The following RAD51B variants were observed in gnomAD, a reference collection of about 807,000 sequenced individuals.
RAD51B encodes the protein DNA repair protein RAD51 homolog 2.
Under a neutral mutation model 42.2 loss-of-function variants are expected in RAD51B, and 38 were observed. That is an observed-to-expected ratio of 0.90 (90% CI 0.70 to 1.18). The LOEUF is 1.18. Among genes scored for constraint, RAD51B ranks in the 50% most tolerant of loss-of-function variants. RAD51B has a pLI of 0.00. For missense variants in RAD51B, 373 were observed against 400.7 expected (o/e 0.93, Z 0.59); for synonymous variants, 154 against 145.2 (o/e 1.06, Z -0.43).
chr14:68,128,616 C>T (rs988278843), intron 7 of RAD51B, among the ~76,000 whole-genome samples: 3 of 152,062 alleles, frequency 2.0e-5, no homozygotes, highest in Admixed American at 6.6e-5. Flanking sequence ...CACTTGAACC[C>T]GGGAGGCAGA....
At chr14:68,583,713 CT>C (rs1173511079) in intron 10 of RAD51B, among the ~76,000 whole-genome samples, 2 of 152,192 alleles carry the variant, frequency 1.3e-5, no homozygotes, top group African/African-American at 4.8e-5. Context: ...CAAGCCACCC[CT>C]GGTCACCACC....
At chr14:68,511,856 C>T (rs1452010521) in intron 10 of RAD51B, among the ~76,000 whole-genome samples, 3 of 152,184 alleles carry the variant, frequency 2.0e-5, no homozygotes, top group Non-Finnish European at 4.4e-5. Context: ...GGCCACTGTT[C>T]CCCTTTTGGG....
chr14:68,309,091 C>T (rs952258993), intron 8 of RAD51B, among the ~76,000 whole-genome samples: 5 of 152,034 alleles, frequency 3.3e-5, no homozygotes, highest in African/African-American at 4.8e-5. Context: ...TTAAGATGGG[C>T]GTTTCATATT....
chr14:67,902,068 G>T (rs1476951011), intron 7 of RAD51B, among the ~76,000 whole-genome samples: 1 of 152,046 alleles, frequency 6.6e-6, no homozygotes, highest in Non-Finnish European at 1.5e-5. Flanking sequence ...AAAAATGAAA[G>T]AAAATAGGAG....
intron 2 of RAD51B, among the ~76,000 whole-genome samples, chr14:67,825,043 A>C (rs2040769991): frequency 7.8e-6 from 1 of 127,890 alleles, no homozygotes; most frequent in East Asian, 2.4e-4. Context: ...GTGCCACTGC[A>C]CTCCAGCCTG....
At chr14:67,962,252 G>A (rs530268945) in intron 7 of RAD51B, among the ~76,000 whole-genome samples, 17 of 152,248 alleles carry the variant, frequency 1.1e-4, no homozygotes, top group African/African-American at 3.9e-4. Context: ...GTGTCTTTGA[G>A]GAAGTGGACC....
intron 9 of RAD51B, among the ~76,000 whole-genome samples, chr14:68,419,572 A>AAC (rs2084646892): frequency 6.6e-6 from 1 of 152,206 alleles, no homozygotes; most frequent in Non-Finnish European, 1.5e-5. Flanking sequence ...CTCCCCAGTC[A>AAC]AGTGACTTTC....
At chr14:68,016,406 C>T (rs2075778627) in intron 7 of RAD51B, among the ~76,000 whole-genome samples, 2 of 152,160 alleles carry the variant, frequency 1.3e-5, no homozygotes, top group Admixed American at 6.6e-5. Context: ...GGAACACCAT[C>T]ATATAGTAAT....
chr14:68,632,981 T>C (rs1183872994), intron 10 of RAD51B, among the ~76,000 whole-genome samples: 5 of 89,708 alleles, frequency 5.6e-5, no homozygotes, highest in Admixed American at 1.2e-4. Context: ...TTTTTTTTTT[T>C]TTTTTTTTTT....
At chr14:68,583,505 A>G (rs1364039245) in intron 10 of RAD51B, among the ~76,000 whole-genome samples, 2 of 152,220 alleles carry the variant, frequency 1.3e-5, no homozygotes, top group African/African-American at 4.8e-5. Context: ...GCCTTGACAA[A>G]CGCACCTTCC....
At chr14:68,250,067 T>C (rs1474428277) in intron 7 of RAD51B, among the ~76,000 whole-genome samples, 1 of 152,202 alleles carries the variant, frequency 6.6e-6, no homozygotes, top group Admixed American at 6.5e-5. Flanking sequence ...GCTTTGGCGC[T>C]TTAGTGAATA....
chr14:68,371,252 C>T (rs545439072), intron 8 of RAD51B, among the ~76,000 whole-genome samples: 17 of 152,000 alleles, frequency 1.1e-4, no homozygotes, highest in Non-Finnish European at 2.4e-4. Context: ...GGTGTGGTGG[C>T]TTACGCCTGT....
At chr14:68,090,915 T>C (rs1243942210) in intron 7 of RAD51B, among the ~76,000 whole-genome samples, 7 of 137,482 alleles carry the variant, frequency 5.1e-5, no homozygotes. Context: ...TGTGTTCTCA[T>C]TGTTCAATTC....
At chr14:68,154,092 C>T (rs1263735030) in intron 7 of RAD51B, among the ~76,000 whole-genome samples, 1 of 152,204 alleles carries the variant, frequency 6.6e-6, no homozygotes, top group Non-Finnish European at 1.5e-5. Context: ...TTTCTCCTCA[C>T]TGTGAGTTGT....
At chr14:68,602,160 G>A (rs567587422) in intron 10 of RAD51B, among the ~76,000 whole-genome samples, 5 of 151,786 alleles carry the variant, frequency 3.3e-5, no homozygotes, top group Admixed American at 6.6e-5. Context: ...GCTCCCTTCC[G>A]TGGGCCGCTC....
At chr14:68,037,364 G>A (rs2076150348) in intron 7 of RAD51B, among the ~76,000 whole-genome samples, 1 of 150,786 alleles carries the variant, frequency 6.6e-6, no homozygotes, top group African/African-American at 2.4e-5. Flanking sequence ...GGGATTACAG[G>A]CACGTGCCGC....
chr14:68,153,985 C>T lies in RAD51B; in HGVS notation c.757-137899C>T, dbSNP rs546257384. On this transcript the variant is annotated intron_variant, in intron 7 of 10. Transcript: ENST00000471583. ...TCAATAAGCCATGTGATTCATGAGT[C>T]GTATTTTAATCGTCTTCTTATTTTA... Among the ~76,000 whole-genome samples the T allele has an allele frequency of 5.3e-5, 8 of 152,244 alleles. No homozygotes were observed. The South Asian group carries it at 1.2e-3, about 24-fold the overall frequency.
chr14:68,152,786 G>T (rs2078418297), intron 7 of RAD51B, among the ~76,000 whole-genome samples: 1 of 149,730 alleles, frequency 6.7e-6, no homozygotes, highest in Non-Finnish European at 1.5e-5. Context: ...TCCAGTGTCT[G>T]TTGTTCTCCT....
At chr14:67,856,073 T>C (rs796972203) in intron 4 of RAD51B, among the ~76,000 whole-genome samples, 14 of 152,382 alleles carry the variant, frequency 9.2e-5, no homozygotes, top group African/African-American at 3.1e-4. Flanking sequence ...TAACTGCTGT[T>C]AAATGAATGA....
Sources: allele counts gnomAD v4.1 joint callset (sites outside exome capture counted in the v4.1 genomes callset), GRCh38; gene constraint gnomAD v4.1.1; transcripts MANE v1.5; gene names NCBI Gene and HGNC (gene_info 2026-07-23, HGNC 2026-07-21).